FBXO21: variants seen among roughly 807,000 people sequenced by gnomAD.
FBXO21 encodes the protein F-box only protein 21.
Under a neutral mutation model 76.6 loss-of-function variants are expected in FBXO21, and 32 were observed. The observed-to-expected ratio is 0.42, with a 90% CI of 0.32 to 0.56. FBXO21 has a LOEUF of 0.56. Ranked by LOEUF, FBXO21 falls within the 20% of genes least tolerant of loss-of-function variation. The pLI, the probability that FBXO21 is intolerant of heterozygous loss-of-function variation, is 0.16. For missense variants in FBXO21, 586 were observed against 797.3 expected, an observed-to-expected ratio of 0.73 and a Z score of 3.19; for synonymous variants, 328 against 311.5, an observed-to-expected ratio of 1.05 and a Z score of -0.56.
chr12:117,155,707 G>A (rs1955907438), intron 11 of FBXO21, 84 bp downstream of exon 11: 1 of 1,437,340 alleles, frequency 7.0e-7, no homozygotes, highest in Non-Finnish European at 9.4e-7. Context: ...GATGGCCCAC[G>A]CCCACAGTAC....
chr12:117,184,172 GAAAGA>G (rs2135886141), intron 3 of FBXO21, among the ~76,000 whole-genome samples: 1 of 149,344 alleles, frequency 6.7e-6, no homozygotes, highest in African/African-American at 2.4e-5. Context: ...ACATCCAAAT[GAAAGA>G]AAAGAAAAAA....
chr12:117,168,304 T>C (rs936261911), intron 7 of FBXO21, among the ~76,000 whole-genome samples: 14 of 152,244 alleles, frequency 9.2e-5, no homozygotes, highest in African/African-American at 3.1e-4. Context: ...GGCAGGCAGA[T>C]CACGAGGTCA....
rs1955762576 is a variant in FBXO21, at chr12:117,145,780, G to C, written c.*307C>G. On this transcript the variant is annotated 3_prime_UTR_variant, in exon 12 of 12. Transcript: ENST00000622495. ...GTGAATACAAAGAATGATTACAGGAGCGTCGACTGTGAGACCTCATGAAGA... is the reference window on the plus strand; with the variant it reads ...GTGAATACAAAGAATGATTACAGGACCGTCGACTGTGAGACCTCATGAAGA... 1 of 218,142 alleles carries C rather than the reference G, an allele frequency of 4.6e-6. No individual in the cohort carries two copies. Among genetic ancestry groups the C allele is most frequent in the Non-Finnish European group, 9.0e-6 (1 of 111,140 alleles). The allele number at this position is 218,142 out of a possible 1,614,324, so 13.5% of individuals were successfully genotyped here. A position where few individuals can be genotyped will look rare whatever the true frequency, so the allele number is the denominator to read the frequency against.
intron 6 of FBXO21, among the ~76,000 whole-genome samples, chr12:117,173,089 C>A (rs1221687197): frequency 1.3e-5 from 2 of 150,876 alleles, no homozygotes; most frequent in Non-Finnish European, 2.9e-5. Flanking sequence ...GACTGGAGTG[C>A]GATGGCGCAA....
chr12:117,178,248 T>G (rs548406271), intron 3 of FBXO21, among the ~76,000 whole-genome samples: 1 of 152,250 alleles, frequency 6.6e-6, no homozygotes, highest in East Asian at 1.9e-4. Context: ...CTTTCTCTCA[T>G]AAGCCATACT....
intron 6 of FBXO21, 57 bp from the exon 7 acceptor site, chr12:117,172,664 T>C: frequency 6.4e-7 from 1 of 1,558,562 alleles, no homozygotes; most frequent in South Asian, 1.2e-5. Context: ...TCTCATTCTT[T>C]CAATAAACAT....
rs1293711604 is a variant in FBXO21, at chr12:117,165,627, G to A, written c.1194-10C>T. On this transcript the variant is annotated splice_polypyrimidine_tract_variant and intron_variant, in intron 8 of 11. Transcript: ENST00000622495. Reference sequence around the variant, plus strand: ...CTGGTCGATGCCTTCCCTAGCAGAGGAAAAACAATGTTTGTCTCATCCTGC... The same window carrying A: ...CTGGTCGATGCCTTCCCTAGCAGAGAAAAAACAATGTTTGTCTCATCCTGC... The A allele has an allele frequency of 1.3e-6, 2 of 1,588,626 alleles. No homozygotes were observed. The highest frequency in any genetic ancestry group is 1.7e-6 in the Non-Finnish European group (2 of 1,164,816).
intron 8 of FBXO21, 56 bp from the exon 9 acceptor site, chr12:117,165,673 C>T: frequency 1.3e-6 from 2 of 1,497,950 alleles, no homozygotes; most frequent in South Asian, 2.8e-5. Context: ...AGCAAAGACT[C>T]TCTTTTTCAA....
intron 9 of FBXO21, among the ~76,000 whole-genome samples, chr12:117,161,670 A>G (rs1002821316): frequency 2.6e-5 from 4 of 152,062 alleles, no homozygotes; most frequent in Non-Finnish European, 5.9e-5. Flanking sequence ...GTGTGTGGAT[A>G]TGCTGGTCTG....
chr12:117,168,306 AC>A (rs1477878769), intron 7 of FBXO21, among the ~76,000 whole-genome samples: 1 of 152,156 alleles, frequency 6.6e-6, no homozygotes, highest in African/African-American at 2.4e-5. Context: ...CAGGCAGATC[AC>A]GAGGTCAAGA....
intron 2 of FBXO21, chr12:117,188,737 G>T (rs1045041596): frequency 2.0e-5 from 3 of 153,090 alleles, no homozygotes; most frequent in African/African-American, 7.3e-5. Context: ...TGATTTATAG[G>T]TAGCTTTTAA....
At chr12:117,184,314 C>A (rs1956262721) in intron 3 of FBXO21, among the ~76,000 whole-genome samples, 1 of 152,124 alleles carries the variant, frequency 6.6e-6, no homozygotes, top group Admixed American at 6.5e-5. Context: ...CAAGTCTTCA[C>A]ATTCCAGGAC....
intron 9 of FBXO21, among the ~76,000 whole-genome samples, chr12:117,162,611 C>T (rs1044206293): frequency 1.3e-5 from 2 of 152,174 alleles, no homozygotes; most frequent in Non-Finnish European, 2.9e-5. Context: ...GTGACCAAGG[C>T]GGCTGATGTT....
At chr12:117,147,842 T>A (rs1159949720) in intron 11 of FBXO21, among the ~76,000 whole-genome samples, 4 of 152,174 alleles carry the variant, frequency 2.6e-5, no homozygotes, top group Non-Finnish European at 5.9e-5. Flanking sequence ...GGGCAGATCC[T>A]CCTATTGTGA....
At chr12:117,157,756 G>A (rs1339052161) in intron 10 of FBXO21, 117 bp downstream of exon 10, 1 of 844,272 alleles carries the variant, frequency 1.2e-6, no homozygotes, top group East Asian at 2.7e-5. Flanking sequence ...GCACTCGGGG[G>A]ATAAGTGATC....
chr12:117,167,377 A>C (rs540552948), intron 7 of FBXO21, among the ~76,000 whole-genome samples: 1 of 152,320 alleles, frequency 6.6e-6, no homozygotes, highest in Non-Finnish European at 1.5e-5. Context: ...GGAATGCCTG[A>C]GGCAGTCTGT....
intron 4 of FBXO21, among the ~76,000 whole-genome samples, chr12:117,176,605 G>T (rs59583452): frequency 1.9e-4 from 29 of 151,954 alleles, no homozygotes; most frequent in South Asian, 8.3e-4. Flanking sequence ...TGGAGGGAAG[G>T]GGGGGTAATG....
intron 3 of FBXO21, 60 bp from the exon 4 acceptor site, chr12:117,177,701 C>T: frequency 6.9e-7 from 1 of 1,441,346 alleles, no homozygotes; most frequent in Non-Finnish European, 9.7e-7. Flanking sequence ...CTATTTTTCA[C>T]ATTACACTAA....
At chr12:117,161,525 T>C (rs955164719) in intron 9 of FBXO21, among the ~76,000 whole-genome samples, 5 of 152,024 alleles carry the variant, frequency 3.3e-5, no homozygotes, top group Non-Finnish European at 7.4e-5. Flanking sequence ...ACAGAGCGGG[T>C]TCACAGGGGC....
Sources: allele counts gnomAD v4.1 joint callset (sites outside exome capture counted in the v4.1 genomes callset), GRCh38; gene constraint gnomAD v4.1.1; transcripts MANE v1.5; gene names NCBI Gene and HGNC (gene_info 2026-07-23, HGNC 2026-07-21).